Variants in VAV2 observed in about 807,000 individuals in gnomAD.
The protein encoded by VAV2 is vav guanine nucleotide exchange factor 2.
Under a neutral mutation model 132.5 loss-of-function variants are expected in VAV2, and 67 were observed. That is an observed-to-expected ratio of 0.51 (90% CI 0.42 to 0.62). The LOEUF (loss-of-function observed/expected upper bound fraction) is 0.62, where lower values mean the gene tolerates loss of function less well. Among genes scored for constraint, VAV2 ranks in the 20% least tolerant of loss-of-function variants. The probability of loss-of-function intolerance (pLI) is 0.00; values close to 1 mark genes in which losing one functional copy is unlikely to be tolerated. For missense variants in VAV2, 938 were observed against 1,153.6 expected (o/e 0.81, Z 2.71); for synonymous variants, 492 against 443.5 (o/e 1.11, Z -1.37).
intron 25 of VAV2, 59 bp from the exon 26 acceptor site, chr9:133,772,105 T>G: frequency 8.2e-6 from 11 of 1,346,098 alleles, no homozygotes; most frequent in Non-Finnish European, 1.1e-5. Flanking sequence ...CCCGGCCCCC[T>G]TGGCAGCCAG....
chr9:133,982,336 G>A (rs573045738), intron 1 of VAV2, among the ~76,000 whole-genome samples: 23 of 152,328 alleles, frequency 1.5e-4, no homozygotes, highest in Admixed American at 9.8e-4. Context: ...ACACGTGGCC[G>A]CAGACTAGGC....
chr9:133,832,304 G>A (rs1836293244), intron 4 of VAV2, among the ~76,000 whole-genome samples: 1 of 152,220 alleles, frequency 6.6e-6, no homozygotes, highest in African/African-American at 2.4e-5. Context: ...GGCAGAGAAG[G>A]ATTTCCAAGG....
At chr9:133,791,891 T>A in intron 12 of VAV2, 22 bp from the exon 13 acceptor site, 1 of 1,606,980 alleles carries the variant, frequency 6.2e-7, no homozygotes, top group South Asian at 1.1e-5. Flanking sequence ...GAGGCAGAGG[T>A]GAGCGGGCTG....
rs181384625 is a variant in VAV2 at position 133,892,050 on chromosome 9, C to T, written c.322-30618G>A. Among the ~76,000 whole-genome samples the T allele has an allele frequency of 6.6e-3, 779 of 118,918 alleles. 9 individuals are homozygous for T. The highest frequency in any genetic ancestry group is 0.024 in the African/African-American group (746 of 30,756). 78.0% of individuals were successfully genotyped at this position (118,918 alleles called of 152,430 possible). On this transcript the variant is annotated intron_variant, in intron 2 of 29. Coordinates refer to ENST00000371850, the MANE Select transcript of VAV2 (RefSeq NM_001134398.2). ...ACGGGGTGCCAGGGGTGTGGGGAGA[C>T]GAAAGGGATGAAAGAGGTGGGGTGT...
chr9:133,861,449 G>C lies in VAV2; in HGVS notation c.322-17C>G. 1 of 1,612,174 alleles carries C rather than the reference G, an allele frequency of 6.2e-7. No individual in the cohort carries two copies. The highest frequency in any genetic ancestry group is 1.1e-5 in the South Asian group (1 of 90,712). On this transcript the variant is annotated splice_polypyrimidine_tract_variant and intron_variant, in intron 2 of 29. Coordinates refer to ENST00000371850, the MANE Select transcript of VAV2 (RefSeq NM_001134398.2). ...GGAGATGACCTGGGGGAGACAAGAA[G>C]AGACGCTCCTGTAATTTCACAAGAA...
At chr9:133,795,567 C>A in intron 12 of VAV2, 101 bp downstream of exon 12, 1 of 1,431,976 alleles carries the variant, frequency 7.0e-7, no homozygotes, top group South Asian at 1.2e-5. Context: ...AGGAAACTGT[C>A]CACAGTCAAA....
intron 1 of VAV2, among the ~76,000 whole-genome samples, chr9:133,950,750 C>A (rs1416983838): frequency 6.6e-6 from 1 of 152,152 alleles, no homozygotes; most frequent in Non-Finnish European, 1.5e-5. Context: ...AGGACCTCAG[C>A]CCCTCCTCTC....
chr9:133,796,441 G>A lies in VAV2; in HGVS notation c.1020C>T (p.His340=), dbSNP rs1240063303. Reference sequence around the variant, plus strand: ...CCCAGAGCCTCACCTTCAAGAGCAGGTGGTATTTGAGCACCCTCTGCATGG... The same window carrying A: ...CCCAGAGCCTCACCTTCAAGAGCAGATGGTATTTGAGCACCCTCTGCATGG... ...VVPMQRVLKY[H]LLLKELLSHS... The change falls in exon 11 of 30, where the codon CAC becomes CAT. Residue 340 remains histidine, a synonymous_variant. Coordinates refer to ENST00000371850, the MANE Select transcript of VAV2 (RefSeq NM_001134398.2). 6.2e-7 allele frequency: 1 copy of A among 1,613,518 alleles called. No individual in the cohort carries two copies.
At chr9:133,908,709 G>A (rs1049472770) in intron 2 of VAV2, among the ~76,000 whole-genome samples, 2 of 152,376 alleles carry the variant, frequency 1.3e-5, no homozygotes, top group East Asian at 1.9e-4. Flanking sequence ...TATGGGAACC[G>A]CTGGGAGGGC....
At chr9:133,828,996 C>A (rs1836160745) in intron 4 of VAV2, among the ~76,000 whole-genome samples, 1 of 152,206 alleles carries the variant, frequency 6.6e-6, no homozygotes. Context: ...CTCCGCCAGC[C>A]CCACTCTGCT....
At position 133,833,494 on chromosome 9, in the gene VAV2, C is replaced by T. The variant is rs547319474; in HGVS notation, c.449+778G>A. On this transcript the variant is annotated intron_variant, in intron 4 of 29. Coordinates refer to ENST00000371850, the MANE Select transcript of VAV2 (RefSeq NM_001134398.2). This position sits in a 1 kb window ranked among gnomAD's most constrained non-coding sequence, Gnocchi z 5.6. ...GAGGCCCCCAGGCAGCAAGGATGCC[C>T]GAAGGCACCATCTCCCGGTGGCCTG... Among the ~76,000 whole-genome samples the T allele has an allele frequency of 2.0e-5, 3 of 152,266 alleles. No homozygotes were observed. The highest frequency in any genetic ancestry group is 2.4e-5 in the African/African-American group (1 of 41,568).
intron 4 of VAV2, among the ~76,000 whole-genome samples, chr9:133,821,936 C>T (rs574028061): frequency 1.5e-4 from 23 of 152,320 alleles, no homozygotes; most frequent in Admixed American, 3.3e-4. Flanking sequence ...GAGTCAGCTG[C>T]GCTGACAGAT....
intron 3 of VAV2, among the ~76,000 whole-genome samples, chr9:133,845,901 C>A (rs1014633906): frequency 1.8e-4 from 28 of 152,308 alleles, no homozygotes; most frequent in African/African-American, 6.7e-4. Context: ...TGGGGCCAGT[C>A]TCAGGAGTCC....
chr9:133,806,008 A>G lies in VAV2; in HGVS notation c.836+73T>C, dbSNP rs2131682457. 5 of 1,493,710 alleles carry G rather than the reference A, an allele frequency of 3.3e-6. No homozygotes were observed. In the South Asian group the frequency reaches 6.0e-5, roughly 18 times the overall value. The allele number at this position is 1,493,710 out of a possible 1,614,324, so 92.5% of individuals were successfully genotyped here. On this transcript the variant is annotated intron_variant, in intron 9 of 29. Transcript: ENST00000371850. ...ACACCCCAAGAGTCCCACTTACACA[A>G]GAGTTCCACTTGTGTAAACTCTCCC...
At chr9:133,792,691 C>A (rs1367349829) in intron 12 of VAV2, among the ~76,000 whole-genome samples, 1 of 114,524 alleles carries the variant, frequency 8.7e-6, no homozygotes, top group Non-Finnish European at 1.8e-5. Flanking sequence ...CCCCCCCCCA[C>A]CCCCCACCCA....
intron 18 of VAV2, 92 bp downstream of exon 18, chr9:133,784,225 G>T: frequency 7.1e-7 from 1 of 1,404,656 alleles, no homozygotes. Context: ...GCCTCCCACA[G>T]GGAACATGGG....
chr9:133,845,099 C>A (rs866032058), intron 3 of VAV2, among the ~76,000 whole-genome samples: 3 of 152,264 alleles, frequency 2.0e-5, no homozygotes, highest in Non-Finnish European at 2.9e-5. Flanking sequence ...GAGCTTCCCC[C>A]GCTCTCGCGT....
chr9:133,964,070 A>ATATATATGT lies in VAV2; in HGVS notation c.205-24852_205-24851insACATATATA, dbSNP rs1564507864. 2.2e-5 allele frequency among the ~76,000 whole-genome samples: 2 copies of ATATATATGT among 89,384 alleles called. 1 individual carries two copies. The highest frequency in any genetic ancestry group is 2.3e-4 in the Admixed American group (2 of 8,782). The allele number at this position is 89,384 out of a possible 152,430, so 58.6% of individuals were successfully genotyped here. On this transcript the variant is annotated intron_variant, in intron 1 of 29. Coordinates refer to ENST00000371850, the MANE Select transcript of VAV2 (RefSeq NM_001134398.2). ...ATATACATATATATACATATATATA[A>ATATATATGT]ATGAATAGGCCAGGTATGTTGGCTC...
intron 1 of VAV2, among the ~76,000 whole-genome samples, chr9:133,946,738 T>C (rs1841373797): frequency 1.3e-5 from 2 of 152,196 alleles, no homozygotes; most frequent in South Asian, 4.1e-4. Flanking sequence ...AACAAATTAA[T>C]TTCCTGTTTT....
Sources: allele counts gnomAD v4.1 joint callset (sites outside exome capture counted in the v4.1 genomes callset), GRCh38; gene constraint gnomAD v4.1.1; non-coding constraint Gnocchi (gnomAD v3.1); transcripts MANE v1.5; gene names NCBI Gene and HGNC (gene_info 2026-07-23, HGNC 2026-07-21).